EYA3: variants seen among roughly 807,000 people sequenced by gnomAD.
The protein encoded by EYA3 is protein phosphatase EYA3.
Under a neutral mutation model 80.0 loss-of-function variants are expected in EYA3, and 39 were observed. The observed-to-expected ratio is 0.49, with a 90% CI of 0.38 to 0.64. The LOEUF is 0.64. Ranked by LOEUF, EYA3 falls within the 30% of genes least tolerant of loss-of-function variation. The pLI is 0.00. For synonymous variants in EYA3, 206 were observed against 232.8 expected (o/e 0.88, Z 1.05); for missense variants, 523 against 676.1 (o/e 0.77, Z 2.51).
rs937861820 is a variant in EYA3, at chr1:28,013,277, A to G, written c.603T>C (p.Thr201=). The G allele has an allele frequency of 1.2e-6, 2 of 1,612,750 alleles. No individual in the cohort carries two copies. Residue 201 remains threonine, a synonymous_variant, in exon 9 of 18, where the codon ACT becomes ACC. Transcript: ENST00000373871. The surrounding 1 kb of genome is among the most constrained non-coding windows in gnomAD (Gnocchi z 4.0). ...SISNQDYPTY[T]ILGQNQYQAC... is the part of the protein sequence containing the mutation. ...CCTGGTACTGATTCTGACCAAGAAT[A>G]GTATAGGTGGGATAATCCTGCAGGC...
At position 27,984,898 on chromosome 1, in the gene EYA3, A is replaced by G. The variant is rs569162626; in HGVS notation, c.1540+3637T>C. Among the ~76,000 whole-genome samples, 18 of 152,256 alleles carry G rather than the reference A, an allele frequency of 1.2e-4. No homozygotes were observed. The South Asian group carries it at 3.3e-3, about 28-fold the overall frequency. On this transcript the variant is annotated intron_variant, in intron 16 of 17. Transcript: ENST00000373871. Reference sequence around the variant, plus strand: ...CTCCTTCCATTCTCTCTCATTTACTAATAAGTTAGTAAAAATATTAGAACA... The same window carrying G: ...CTCCTTCCATTCTCTCTCATTTACTGATAAGTTAGTAAAAATATTAGAACA...
rs560900874 is a variant in EYA3, at chr1:28,011,463, T to C, written c.770-377A>G. ...TTGTGGGGGGATGTCTTGTGCATTATAGGATGTTTGGTTAAGCAGTATCCT... is the reference window on the plus strand; with the variant it reads ...TTGTGGGGGGATGTCTTGTGCATTACAGGATGTTTGGTTAAGCAGTATCCT... On this transcript the variant is annotated intron_variant, in intron 9 of 17. Coordinates refer to ENST00000373871, the MANE Select transcript of EYA3 (RefSeq NM_001990.4). Among the ~76,000 whole-genome samples the C allele has an allele frequency of 5.7e-4, 87 of 152,300 alleles. 1 individual carries two copies. In the South Asian group the frequency reaches 0.017, roughly 31 times the overall value.
At chr1:28,018,878 C>T (rs770705628) in intron 7 of EYA3, among the ~76,000 whole-genome samples, 4 of 152,138 alleles carry the variant, frequency 2.6e-5, no homozygotes, top group Non-Finnish European at 5.9e-5. Flanking sequence ...AATTCCCTAA[C>T]TATGGCCAGG....
intron 1 of EYA3, among the ~76,000 whole-genome samples, chr1:28,086,788 G>A (rs1645671802): frequency 6.6e-6 from 1 of 152,130 alleles, no homozygotes; most frequent in African/African-American, 2.4e-5. Flanking sequence ...CTAGGTAGTG[G>A]GGAGGAGGTA....
chr1:28,027,708 T>G, intron 7 of EYA3, 81 bp downstream of exon 7: 2 of 1,559,928 alleles, frequency 1.3e-6, no homozygotes, highest in Non-Finnish European at 1.8e-6. Context: ...ATCCAATTTG[T>G]TTGTTTGGAG....
At chr1:28,042,852 CTTTTT>C (rs563168110) in intron 3 of EYA3, among the ~76,000 whole-genome samples, 1 of 148,748 alleles carries the variant, frequency 6.7e-6, no homozygotes, top group African/African-American at 2.5e-5. Flanking sequence ...ACCGCTCTTT[CTTTTT>C]TTTTTGAGAT....
At chr1:27,976,903 A>G in intron 17 of EYA3, 2 of 397,278 alleles carry the variant, frequency 5.0e-6, no homozygotes, top group Non-Finnish European at 6.8e-6. Flanking sequence ...TTTTTAGTAG[A>G]GACGGGATTT....
intron 7 of EYA3, among the ~76,000 whole-genome samples, chr1:28,019,770 C>T (rs750497371): frequency 6.6e-6 from 1 of 152,020 alleles, no homozygotes; most frequent in Non-Finnish European, 1.5e-5. Context: ...ATGGTAGTCT[C>T]GGCTCACTGC....
chr1:28,023,346 A>G (rs1470691514), intron 7 of EYA3, among the ~76,000 whole-genome samples: 1 of 152,208 alleles, frequency 6.6e-6, no homozygotes, highest in Non-Finnish European at 1.5e-5. Flanking sequence ...GGGCAGCATG[A>G]TTCCTTAACT....
chr1:27,990,490 T>C (rs1639973926), intron 14 of EYA3: 1 of 151,942 alleles, frequency 6.6e-6, no homozygotes, highest in Non-Finnish European at 1.5e-5. Context: ...GAGGCCAGTG[T>C]TGGCGTGAGT....
intron 2 of EYA3, among the ~76,000 whole-genome samples, chr1:28,050,199 ATTATTT>A (rs1268780323): frequency 5.2e-5 from 7 of 135,550 alleles, no homozygotes; most frequent in Admixed American, 3.6e-4. Context: ...TATTATTATT[ATTATTT>A]TTTTTGAGAC....
At chr1:28,051,568 T>A (rs1163228081) in intron 2 of EYA3, among the ~76,000 whole-genome samples, 2 of 152,080 alleles carry the variant, frequency 1.3e-5, no homozygotes, top group Non-Finnish European at 2.9e-5. Context: ...ACGCCTATAA[T>A]CTCAGCTACT....
rs190449078 is a variant in EYA3 at position 28,042,803 on chromosome 1, G to A, written c.78-153C>T. On this transcript the variant is annotated intron_variant, in intron 3 of 17. Transcript: ENST00000373871. ...TATTGTTGATTTTTAACAACTACTT[G>A]AAGAGAGCTCGGGCCAGGGCTAGTA... Among the ~76,000 whole-genome samples, 312 of 152,098 alleles carry A rather than the reference G, an allele frequency of 2.1e-3. 1 individual carries two copies. Among genetic ancestry groups the A allele is most frequent in the African/African-American group, 7.3e-3 (301 of 41,510 alleles).
At chr1:28,071,079 C>T (rs1645005538) in intron 1 of EYA3, among the ~76,000 whole-genome samples, 2 of 152,112 alleles carry the variant, frequency 1.3e-5, no homozygotes, top group Non-Finnish European at 2.9e-5. Context: ...CCTACCACCA[C>T]GCCCAGATAA....
At chr1:28,058,293 T>C (rs966474953) in intron 1 of EYA3, among the ~76,000 whole-genome samples, 199 bp from the exon 2 acceptor site, 2 of 152,226 alleles carry the variant, frequency 1.3e-5, no homozygotes, top group African/African-American at 2.4e-5. Flanking sequence ...ATGACTTTTA[T>C]AATACCTTGC....
chr1:28,088,209 G>A (rs1645743026), intron 1 of EYA3, among the ~76,000 whole-genome samples: 1 of 152,110 alleles, frequency 6.6e-6, no homozygotes, highest in Non-Finnish European at 1.5e-5. Context: ...AAGAAGGGAG[G>A]AGGAGAAAAA....
rs188734085 is a variant in EYA3, at chr1:27,986,289, T to A, written c.1540+2246A>T. 4.0e-3 allele frequency among the ~76,000 whole-genome samples: 613 copies of A among 151,452 alleles called. 2 individuals carry two copies. The highest frequency in any genetic ancestry group is 6.8e-3 in the Middle Eastern group (2 of 294). Reference sequence around the variant, plus strand: ...CTGAGGCAAGAGAATCGCTTGAACCTGGGAGGCAGAAGTTGCGGTAAGCCA... The same window carrying A: ...CTGAGGCAAGAGAATCGCTTGAACCAGGGAGGCAGAAGTTGCGGTAAGCCA... On this transcript the variant is annotated intron_variant, in intron 16 of 17. Coordinates refer to ENST00000373871, the MANE Select transcript of EYA3 (RefSeq NM_001990.4).
At chr1:28,075,788 C>T (rs1228869371) in intron 1 of EYA3, among the ~76,000 whole-genome samples, 1 of 152,206 alleles carries the variant, frequency 6.6e-6, no homozygotes, top group East Asian at 1.9e-4. Context: ...TCTACATATA[C>T]TTTTCGCTGT....
At chr1:28,073,718 G>C (rs1645110406) in intron 1 of EYA3, among the ~76,000 whole-genome samples, 2 of 152,042 alleles carry the variant, frequency 1.3e-5, no homozygotes, top group African/African-American at 2.4e-5. Flanking sequence ...TTACAGATGT[G>C]AGCCACCGCA....
Sources: gnomAD v4.1 joint callset for allele counts (sites outside exome capture counted in the v4.1 genomes callset) on GRCh38, gnomAD v4.1.1 for gene constraint, Gnocchi (gnomAD v3.1) non-coding constraint, MANE v1.5 for transcripts, NCBI Gene and HGNC (gene_info 2026-07-23, HGNC 2026-07-21) for gene names.